Variants in KMT2E observed in about 807,000 individuals in gnomAD.
KMT2E encodes the protein histone reader KMT2E.
In KMT2E, 30 loss-of-function variants were observed where a neutral mutation model predicts 184.6. The ratio of observed to expected loss-of-function variants is 0.16; its 90% CI spans 0.12 to 0.22. The LOEUF (loss-of-function observed/expected upper bound fraction) is 0.22. Among genes scored for constraint, KMT2E ranks in the 10% least tolerant of loss-of-function variants. The probability of loss-of-function intolerance (pLI) is 1.00; values close to 1 mark genes in which losing one functional copy is unlikely to be tolerated. For synonymous variants in KMT2E, 815 were observed against 776.5 expected, an observed-to-expected ratio of 1.05 and a Z score of -0.82; for missense variants, 2,023 against 2,237.4, an observed-to-expected ratio of 0.90 and a Z score of 1.93.
chr7:105,062,109 AT>A (rs1796837100), intron 3 of KMT2E, 54 bp from the exon 4 acceptor site: 2 of 1,108,330 alleles, frequency 1.8e-6, no homozygotes, highest in Admixed American at 3.5e-5. Context: ...AATTAAATTG[AT>A]TAAGAGGAAA....
intron 4 of KMT2E, among the ~76,000 whole-genome samples, chr7:105,062,981 G>T (rs1029194249): frequency 2.7e-5 from 4 of 148,792 alleles, no homozygotes; most frequent in African/African-American, 9.8e-5. Context: ...ATATTTCTGA[G>T]ATGTGTGTTT....
In KMT2E at chr7:105,111,692, T is replaced by C. The variant is rs181526361; in HGVS notation, c.4069-133T>C. ...CTTTTAACATCCCAAGCCTCCATAA[T>C]TGACGTATCCAGGATGTTATTTCCT... On this transcript the variant is annotated intron_variant, in intron 26 of 26. Transcript: ENST00000311117. 130 of 1,067,432 alleles carry C rather than the reference T, an allele frequency of 1.2e-4. No homozygotes were observed. The Admixed American group carries it at 2.6e-3, about 21-fold the overall frequency. The allele number at this position is 1,067,432 out of a possible 1,614,324, so 66.1% of individuals were successfully genotyped here.
At chr7:105,057,438 G>T (rs1562896602) in intron 3 of KMT2E, among the ~76,000 whole-genome samples, 1 of 151,702 alleles carries the variant, frequency 6.6e-6, no homozygotes, top group Non-Finnish European at 1.5e-5. Flanking sequence ...TCTTTGAGTT[G>T]TTTTTTTTGT....
At chr7:105,082,457 A>G (rs529463090) in intron 13 of KMT2E, among the ~76,000 whole-genome samples, 2 of 152,348 alleles carry the variant, frequency 1.3e-5, no homozygotes, top group South Asian at 2.1e-4. Flanking sequence ...TATTCTTACA[A>G]TAAAGTAAGC....
intron 3 of KMT2E, among the ~76,000 whole-genome samples, chr7:105,050,156 G>A (rs897566472): frequency 6.6e-6 from 1 of 152,066 alleles, no homozygotes; most frequent in Admixed American, 6.5e-5. Context: ...AAAGCTGTTT[G>A]TATTCATTAT....
intron 3 of KMT2E, among the ~76,000 whole-genome samples, chr7:105,048,062 AG>A (rs1796180611): frequency 6.6e-6 from 1 of 152,150 alleles, no homozygotes; most frequent in African/African-American, 2.4e-5. Flanking sequence ...GACTCAAAAA[AG>A]GACCTCAAGG....
chr7:105,048,144 G>A (rs1194752744), intron 3 of KMT2E, among the ~76,000 whole-genome samples: 6 of 151,970 alleles, frequency 3.9e-5, no homozygotes, highest in African/African-American at 1.2e-4. Flanking sequence ...CCAAGCAGTC[G>A]TCCTATCACA....
chr7:105,021,606 A>G (rs1794958201), intron 1 of KMT2E, among the ~76,000 whole-genome samples: 1 of 152,186 alleles, frequency 6.6e-6, no homozygotes, highest in South Asian at 2.1e-4. Flanking sequence ...AAGAGCCACT[A>G]TTCACCATCT....
At chr7:105,089,962 TTTTG>T in intron 13 of KMT2E, 43 bp from the exon 14 acceptor site, 2 of 1,583,628 alleles carry the variant, frequency 1.3e-6, no homozygotes, top group East Asian at 2.3e-5. Flanking sequence ...AAATTTCCAG[TTTTG>T]TTTTATATTT....
intron 6 of KMT2E, among the ~76,000 whole-genome samples, chr7:105,067,009 A>G (rs778586692): frequency 7.2e-6 from 1 of 139,510 alleles, no homozygotes; most frequent in Non-Finnish European, 1.5e-5. Context: ...GTGAGCTTTG[A>G]TTGTGCCACT....
chr7:105,110,962 C>A, intron 26 of KMT2E, 94 bp downstream of exon 26: 1 of 833,362 alleles, frequency 1.2e-6, no homozygotes, highest in Admixed American at 2.1e-5. Context: ...TCTGCTGTAT[C>A]AAGTATCAAC....
At chr7:105,059,195 A>G (rs1271773316) in intron 3 of KMT2E, among the ~76,000 whole-genome samples, 2 of 152,168 alleles carry the variant, frequency 1.3e-5, no homozygotes, top group Non-Finnish European at 2.9e-5. Context: ...TTGCTGTTGG[A>G]CCTCAGACTG....
intron 19 of KMT2E, 103 bp downstream of exon 19, chr7:105,106,106 G>T: frequency 8.7e-7 from 1 of 1,152,214 alleles, no homozygotes; most frequent in East Asian, 2.4e-5. Context: ...CTTTAGAAGA[G>T]AAGCACATTG....
chr7:105,084,354 C>T (rs369339311), intron 13 of KMT2E, among the ~76,000 whole-genome samples: 2 of 152,078 alleles, frequency 1.3e-5, no homozygotes, highest in East Asian at 1.9e-4. Context: ...TGACCAGGTG[C>T]GGTGGCTCAC....
intron 3 of KMT2E, among the ~76,000 whole-genome samples, chr7:105,056,630 G>C (rs892132924): frequency 3.9e-5 from 6 of 152,188 alleles, no homozygotes; most frequent in Admixed American, 6.5e-5. Context: ...TTTAAAACAG[G>C]TGTCATTGGG....
chr7:105,029,566 TA>T (rs917982446), intron 1 of KMT2E, among the ~76,000 whole-genome samples: 1 of 152,014 alleles, frequency 6.6e-6, no homozygotes, highest in African/African-American at 2.4e-5. Flanking sequence ...AAGATGATGG[TA>T]GGGGCCATGG....
In KMT2E at chr7:105,112,948, A is replaced by T; in HGVS notation, c.5192A>T (p.His1731Leu). ...CCTTCCAGTGTTTTGGCTTCTGGGC[A>T]TCATACCACATCAGCTCAAGCCTTA... is the stretch of plus-strand genomic sequence containing the variant. ...PPPSSVLASG[H>L]HTTSAQALHH... is the part of the protein sequence containing the mutation. The change falls in exon 27 of 27, where the codon CAT becomes CTT. Residue 1731 changes from histidine to leucine, a missense_variant. Physicochemically the swap from His to Leu is moderately conservative, Grantham distance 99 (BLOSUM62 -3). Coordinates refer to ENST00000311117, the MANE Select transcript of KMT2E (RefSeq NM_182931.3). The T allele has an allele frequency of 6.2e-7, 1 of 1,613,574 alleles. No homozygotes were observed.
intron 1 of KMT2E, among the ~76,000 whole-genome samples, chr7:105,024,375 A>C (rs563328707): frequency 7.0e-4 from 106 of 152,308 alleles, no homozygotes; most frequent in African/African-American, 2.4e-3. Flanking sequence ...AAGGTACAAA[A>C]ACAAGCCCCA....
intron 1 of KMT2E, among the ~76,000 whole-genome samples, chr7:105,025,582 A>G (rs1795144335): frequency 6.6e-6 from 1 of 152,158 alleles, no homozygotes; most frequent in Non-Finnish European, 1.5e-5. Flanking sequence ...ACTAATGTCC[A>G]TGTATGTTGA....
Sources: allele counts gnomAD v4.1 joint callset (sites outside exome capture counted in the v4.1 genomes callset), GRCh38; gene constraint gnomAD v4.1.1; transcripts MANE v1.5; gene names NCBI Gene and HGNC (gene_info 2026-07-23, HGNC 2026-07-21).